Variants in KSR2 observed in about 807,000 individuals in gnomAD.
KSR2 encodes kinase suppressor of ras 2.
In KSR2, 25 loss-of-function variants were observed where a neutral mutation model predicts 107.8. The observed-to-expected ratio is 0.23, with a 90% CI of 0.17 to 0.32. KSR2 has a LOEUF of 0.32. Ranked by LOEUF, KSR2 falls within the 10% of genes least tolerant of loss-of-function variation. The pLI, the probability that KSR2 is intolerant of heterozygous loss-of-function variation, is 1.00. For missense variants in KSR2, 887 were observed against 1,268.9 expected (o/e 0.70, Z 4.57); for synonymous variants, 480 against 507.0 (o/e 0.95, Z 0.71).
At position 117,499,500 on chromosome 12, in the gene KSR2, G is replaced by A. The variant is rs1258921693; in HGVS notation, c.2220-13809C>T. 3.9e-5 allele frequency among the ~76,000 whole-genome samples: 6 copies of A among 152,286 alleles called. 1 individual carries two copies. The highest frequency in any genetic ancestry group is 4.1e-4 in the South Asian group (2 of 4,824). Reference sequence around the variant, plus strand: ...TAGACGGTTTGGAAAACATTGAATCGGTGGGGAACTGAAATGAGAAAGTGG... The same window carrying A: ...TAGACGGTTTGGAAAACATTGAATCAGTGGGGAACTGAAATGAGAAAGTGG... On this transcript the variant is annotated intron_variant, in intron 14 of 19. Transcript: ENST00000339824.
At chr12:117,708,799 C>T (rs571903889) in intron 4 of KSR2, among the ~76,000 whole-genome samples, 2 of 152,290 alleles carry the variant, frequency 1.3e-5, no homozygotes, top group Non-Finnish European at 2.9e-5. Flanking sequence ...CATCATAGCT[C>T]GCGTTTTCCC....
intron 5 of KSR2, among the ~76,000 whole-genome samples, chr12:117,614,196 T>A (rs1489529191): frequency 6.6e-6 from 1 of 152,154 alleles, no homozygotes; most frequent in African/African-American, 2.4e-5. Context: ...TTTAAATAAA[T>A]AGAACACTAC....
intron 1 of KSR2, among the ~76,000 whole-genome samples, chr12:117,933,420 C>A (rs368109067): frequency 4.6e-5 from 7 of 152,012 alleles, no homozygotes; most frequent in South Asian, 2.1e-4. Flanking sequence ...GAGACTCCGT[C>A]TCTACTGAAA....
intron 1 of KSR2, among the ~76,000 whole-genome samples, chr12:117,950,801 C>T (rs1696937689): frequency 6.7e-6 from 1 of 148,976 alleles, no homozygotes; most frequent in Admixed American, 6.7e-5. Flanking sequence ...TAAAAATACA[C>T]TGGGGGAAAA....
chr12:117,927,374 T>C (rs1223429955), intron 1 of KSR2, among the ~76,000 whole-genome samples: 1 of 141,348 alleles, frequency 7.1e-6, no homozygotes, highest in Non-Finnish European at 1.5e-5. Context: ...AGACTCTGTC[T>C]CAAAAAATAA....
In KSR2 at chr12:117,733,938, A is replaced by G. The variant is rs184059104; in HGVS notation, c.986+27073T>C. Among the ~76,000 whole-genome samples, 122 of 152,304 alleles carry G rather than the reference A, an allele frequency of 8.0e-4. 1 individual carries two copies. The highest frequency in any genetic ancestry group is 2.2e-4 in the Non-Finnish European group (15 of 68,020). ...CTTTGAATGCAGTGCTGGAAAGCCC[A>G]ATGATGTCACTAAATAGAGTTCAAC... On this transcript the variant is annotated intron_variant, in intron 4 of 19. Coordinates refer to ENST00000339824, the MANE Select transcript of KSR2 (RefSeq NM_173598.6).
intron 5 of KSR2, among the ~76,000 whole-genome samples, chr12:117,614,685 G>A (rs1265864018): frequency 6.6e-6 from 1 of 152,226 alleles, no homozygotes; most frequent in Non-Finnish European, 1.5e-5. Context: ...GCATTCAGCT[G>A]TGGAAACTTG....
chr12:117,573,344 C>G (rs1164998767), intron 7 of KSR2, among the ~76,000 whole-genome samples: 1 of 151,938 alleles, frequency 6.6e-6, no homozygotes, highest in African/African-American at 2.4e-5. Flanking sequence ...TGAACAATTA[C>G]CTTACCTGTT....
chr12:117,658,626 A>G (rs1884287753), intron 5 of KSR2, among the ~76,000 whole-genome samples: 1 of 152,220 alleles, frequency 6.6e-6, no homozygotes, highest in South Asian at 2.1e-4. Flanking sequence ...CCCCTGATTT[A>G]GAAGCCTCAC....
chr12:117,833,975 A>AT (rs1892087383), intron 3 of KSR2, among the ~76,000 whole-genome samples: 1 of 150,758 alleles, frequency 6.6e-6, no homozygotes, highest in Non-Finnish European at 1.5e-5. Context: ...CAAAAAAAAA[A>AT]ATTTTCATTA....
chr12:117,530,367 T>C (rs190503890), intron 12 of KSR2, among the ~76,000 whole-genome samples: 137 of 152,338 alleles, frequency 9.0e-4, no homozygotes, highest in African/African-American at 3.1e-3. Flanking sequence ...ATACAGATTA[T>C]GTTACAACTA....
At chr12:117,729,960 T>A (rs1887592435) in intron 4 of KSR2, among the ~76,000 whole-genome samples, 1 of 152,154 alleles carries the variant, frequency 6.6e-6, no homozygotes, top group Non-Finnish European at 1.5e-5. Flanking sequence ...TAGGTTTGTA[T>A]CACATTTTCC....
chr12:117,517,960 A>G (rs1211279185), intron 14 of KSR2: 11 of 437,224 alleles, frequency 2.5e-5, no homozygotes, highest in Admixed American at 1.6e-4. Flanking sequence ...TGCATCTGTC[A>G]AATATAGCAG....
At chr12:117,547,603 G>C (rs1373671244) in intron 9 of KSR2, among the ~76,000 whole-genome samples, 1 of 152,128 alleles carries the variant, frequency 6.6e-6, no homozygotes, top group Non-Finnish European at 1.5e-5. Context: ...GTTATGGGTA[G>C]GTAGGGCAAC....
rs538933243 is a variant in KSR2 at position 117,762,987 on chromosome 12, T to C, written c.473-1463A>G. 1.7e-3 allele frequency among the ~76,000 whole-genome samples: 254 copies of C among 152,274 alleles called. 1 individual carries two copies. Among genetic ancestry groups the C allele is most frequent in the African/African-American group, 5.6e-3 (231 of 41,556 alleles). On this transcript the variant is annotated intron_variant, in intron 3 of 19. Transcript: ENST00000339824. ...CATGTGCCATGTTGGTGTGCTGCAC[T>C]CATTAACTCGTCATTTAACATTAGG... is the stretch of plus-strand genomic sequence containing the variant.
intron 1 of KSR2, among the ~76,000 whole-genome samples, chr12:117,943,936 T>C (rs7972324): frequency 0.53 from 80,612 of 152,036 alleles, 21,769 homozygotes; most frequent in African/African-American, 0.63. Flanking sequence ...TTGCCTGCTG[T>C]CATGTTAAGA....
chr12:117,845,680 T>TC (rs1892675323), intron 3 of KSR2, among the ~76,000 whole-genome samples: 1 of 150,350 alleles, frequency 6.7e-6, no homozygotes, highest in African/African-American at 2.4e-5. Context: ...CTCTTTTTCT[T>TC]TCTTTTTTTT....
At chr12:117,654,674 G>T (rs938259685) in intron 5 of KSR2, among the ~76,000 whole-genome samples, 1 of 152,224 alleles carries the variant, frequency 6.6e-6, no homozygotes, top group African/African-American at 2.4e-5. Context: ...CTTGGAAGAA[G>T]CATTATTGGA....
intron 14 of KSR2, among the ~76,000 whole-genome samples, chr12:117,494,996 G>C (rs1380385863): frequency 6.6e-6 from 1 of 152,214 alleles, no homozygotes. Flanking sequence ...GTCTCCCAGT[G>C]GCTACTCTCT....
Sources: allele counts gnomAD v4.1 joint callset (sites outside exome capture counted in the v4.1 genomes callset), GRCh38; gene constraint gnomAD v4.1.1; transcripts MANE v1.5; gene names NCBI Gene and HGNC (gene_info 2026-07-23, HGNC 2026-07-21).